ALOXE3: variants seen among roughly 807,000 people sequenced by gnomAD.
ALOXE3 encodes the protein arachidonate epidermal lipoxygenase 3, also known as hydroperoxide isomerase ALOXE3.
A neutral mutation model predicts 87.5 loss-of-function variants in ALOXE3; 78 were observed. That is an observed-to-expected ratio of 0.89 (90% confidence interval 0.74 to 1.08). ALOXE3 has a LOEUF of 1.08. Ranked by LOEUF, ALOXE3 falls within the 50% of genes least tolerant of loss-of-function variation. The pLI is 0.00. For missense variants in ALOXE3, 946 were observed against 912.4 expected (o/e 1.04, Z -0.47); for synonymous variants, 363 against 370.8 (o/e 0.98, Z 0.24).
intron 13 of ALOXE3, among the ~76,000 whole-genome samples, chr17:8,108,059 GAA>G (rs1380172807): frequency 6.7e-6 from 1 of 149,980 alleles, no homozygotes; most frequent in East Asian, 1.9e-4. Context: ...AAGAAAGAAA[GAA>G]AGAAAGGAAG....
chr17:8,099,022 C>CT (rs751705010), intron 15 of ALOXE3, among the ~76,000 whole-genome samples: 19,535 of 126,644 alleles, frequency 0.15, 1,856 homozygotes, highest in Middle Eastern at 0.24. Flanking sequence ...GGCTAGTTTT[C>CT]TTTTTTTTTT....
chr17:8,113,514 G>A (rs529952795), intron 6 of ALOXE3, among the ~76,000 whole-genome samples: 6 of 152,124 alleles, frequency 3.9e-5, no homozygotes, highest in East Asian at 3.9e-4. Flanking sequence ...TTAGCCAGGC[G>A]TGGTGGTGCA....
At position 8,117,845 on chromosome 17, in the gene ALOXE3, G is replaced by T; in HGVS notation, c.146C>A (p.Ser49Ter). Residue 49 changes from serine to a stop codon, truncating the protein, a stop_gained and splice_region_variant, in exon 2 of 16, where the codon TCG (serine) becomes TAG (stop). Transcript: ENST00000448843. LOFTEE classifies it high-confidence loss of function. ...CTTCCCTGTCTCCTTTGTACTCACC[G>T]ATCCAGGGGCGAAGTCCCTGCCCAT... Reference protein sequence around the residue: ...DRMGRDFAPGSVQKYKVRCTA... With the variant: ...DRMGRDFAPG The T allele has an allele frequency of 1.2e-6, 2 of 1,610,382 alleles. No homozygotes were observed. Among genetic ancestry groups the T allele is most frequent in the Non-Finnish European group, 1.7e-6 (2 of 1,179,274 alleles).
chr17:8,103,975 C>A (rs534315098), intron 14 of ALOXE3, 140 bp downstream of exon 14: 4 of 725,318 alleles, frequency 5.5e-6, no homozygotes, highest in South Asian at 3.0e-5. Context: ...AACCCTTCAC[C>A]CCACTCAGCT....
intron 13 of ALOXE3, among the ~76,000 whole-genome samples, chr17:8,107,840 A>C (rs1488395875): frequency 4.5e-4 from 2 of 4,468 alleles, no homozygotes; most frequent in Non-Finnish European, 8.2e-4. Context: ...AAAGAAAGAA[A>C]GAAAGAAAGA....
At chr17:8,107,965 G>A (rs201627717) in intron 13 of ALOXE3, among the ~76,000 whole-genome samples, 589 of 6,286 alleles carry the variant, frequency 0.094, 251 homozygotes, top group Admixed American at 0.31. Flanking sequence ...AAGAAAGGAA[G>A]GAGAGAGAGA....
At chr17:8,109,106 G>A (rs746832227) in intron 12 of ALOXE3, 68 bp downstream of exon 12, 16 of 1,593,042 alleles carry the variant, frequency 1.0e-5, no homozygotes, top group Non-Finnish European at 1.3e-5. Flanking sequence ...CGCCATGAGC[G>A]CAGGGACCAC....
rs767561137 is a variant in ALOXE3 at position 8,118,396 on chromosome 17, C to A, written c.-314+90G>T. ...CCCTCCGCCTGGTCAGCGGCCCGGACTGATGCCCTGGAGTGCTTGTCCGCC... is the reference window on the plus strand; with the variant it reads ...CCCTCCGCCTGGTCAGCGGCCCGGAATGATGCCCTGGAGTGCTTGTCCGCC... On this transcript the variant is annotated intron_variant, in intron 1 of 15. Transcript: ENST00000448843. The A allele has an allele frequency of 2.6e-6, 4 of 1,551,126 alleles. No individual in the cohort carries two copies. In the South Asian group the frequency reaches 3.6e-5, roughly 14 times the overall value.
chr17:8,118,341 G>T (rs2151849113), intron 1 of ALOXE3, 38 bp from the exon 2 acceptor site: 2 of 1,551,834 alleles, frequency 1.3e-6, no homozygotes, highest in South Asian at 1.2e-5. Flanking sequence ...ATGGAGAAAA[G>T]GAGGTAACGC....
At position 8,104,109 on chromosome 17, in the gene ALOXE3, C is replaced by A. The variant is rs1979108113; in HGVS notation, c.1785+6G>T. On this transcript the variant is annotated splice_donor_region_variant and intron_variant, in intron 14 of 15. Coordinates refer to ENST00000448843, the MANE Select transcript of ALOXE3 (RefSeq NM_021628.3). ...ATGTCCCCAGGCCTGCCCTTTGTAGCCTCACCTGCCCACTGTTGACAGCAG... is the reference window on the plus strand; with the variant it reads ...ATGTCCCCAGGCCTGCCCTTTGTAGACTCACCTGCCCACTGTTGACAGCAG... The A allele has an allele frequency of 9.3e-6, 15 of 1,612,914 alleles. No homozygotes were observed. The highest frequency in any genetic ancestry group is 2.2e-5 in the East Asian group (1 of 44,866).
intron 15 of ALOXE3, among the ~76,000 whole-genome samples, chr17:8,098,234 GTTTTTTT>G (rs71159546): frequency 0.027 from 2,378 of 87,434 alleles, 51 homozygotes; most frequent in African/African-American, 0.092. Flanking sequence ...TTTGGTTTTT[GTTTTTTT>G]TTTTTTTTTT....
At chr17:8,100,320 C>G (rs572841486) in intron 15 of ALOXE3, among the ~76,000 whole-genome samples, 30 of 152,116 alleles carry the variant, frequency 2.0e-4, no homozygotes, top group African/African-American at 7.2e-4. Flanking sequence ...GGGGATAAGA[C>G]AGCATATGGA....
At chr17:8,117,083 A>G (rs980928879) in intron 2 of ALOXE3, 103 bp from the exon 3 acceptor site, 136 of 1,070,902 alleles carry the variant, frequency 1.3e-4, no homozygotes, top group Non-Finnish European at 1.8e-4. Flanking sequence ...CGGGCATACA[A>G]ACCTGAGCTG....
At chr17:8,109,038 AATTCATACCCTC>A in intron 12 of ALOXE3, 124 bp downstream of exon 12, 1 of 1,377,600 alleles carries the variant, frequency 7.3e-7, no homozygotes, top group Non-Finnish European at 9.9e-7. Flanking sequence ...CCCCAAACTC[AATTCATACCCTC>A]AAGAATTCCC....
intron 3 of ALOXE3, among the ~76,000 whole-genome samples, chr17:8,116,284 A>T (rs1178541109): frequency 6.6e-6 from 1 of 152,216 alleles, no homozygotes. Flanking sequence ...GCATCTGCAG[A>T]AGGCCCCAGA....
Position 8,114,940 on chromosome 17 carries a change from G to A in ALOXE3, c.552C>T (p.Asp184=), listed in dbSNP as rs1056991993. ...TKTTTCVDQG[D]SSGNRYLPGF... is the part of the protein sequence containing the mutation. The stretch of plus-strand genomic sequence containing the variant: ...CCTTCCCAAGCTTTAATCTTCACCT[G>A]TCACCCTGGTCTACACAAGTTGTCG... The change falls in exon 5 of 16, where the codon GAC becomes GAT. Residue 184 remains aspartate (D), a splice_region_variant and synonymous_variant. Transcript: ENST00000448843. 1.2e-6 allele frequency: 2 copies of A among 1,613,804 alleles called. No homozygotes were observed. The highest frequency in any genetic ancestry group is 1.7e-6 in the Non-Finnish European group (2 of 1,179,970).
chr17:8,109,792 A>G (rs1470100682), intron 11 of ALOXE3, 124 bp downstream of exon 11: 2 of 958,460 alleles, frequency 2.1e-6, no homozygotes, highest in Non-Finnish European at 3.1e-6. Flanking sequence ...CAGTGATTGT[A>G]CAGGTGTTCT....
chr17:8,107,808 AACAAGAAAGAAAGAAAGAAAGAAAG>A (rs1979448675), intron 13 of ALOXE3, among the ~76,000 whole-genome samples: 1 of 30,832 alleles, frequency 3.2e-5, no homozygotes. Context: ...CAAAAAAAAA[AACAAGAAAGAAAGAAAGAAAGAAAG>A]AAAGAAAGAA....
intron 7 of ALOXE3, 30 bp downstream of exon 7, chr17:8,112,063 G>T (rs1461101256): frequency 6.4e-7 from 1 of 1,573,010 alleles, no homozygotes; most frequent in Admixed American, 1.7e-5. Flanking sequence ...TAAGGTGAGG[G>T]GTAGACATCT....
Sources: gnomAD v4.1 joint callset for allele counts (sites outside exome capture counted in the v4.1 genomes callset) on GRCh38, gnomAD v4.1.1 for gene constraint, MANE v1.5 for transcripts, NCBI Gene and HGNC (gene_info 2026-07-23, HGNC 2026-07-21) for gene names.